The following ADCY9 variants were observed in gnomAD, a reference collection of about 807,000 sequenced individuals.
The protein encoded by ADCY9 is adenylate cyclase 9, also known as adenylate cyclase type 9.
A neutral mutation model predicts 101.5 loss-of-function variants in ADCY9; 50 were observed. The ratio of observed to expected loss-of-function variants is 0.49; its 90% CI spans 0.39 to 0.62. The LOEUF (loss-of-function observed/expected upper bound fraction) is 0.62. Among genes scored for constraint, ADCY9 ranks in the 20% least tolerant of loss-of-function variants. ADCY9 has a pLI of 0.00. For missense variants in ADCY9, 1,662 were observed against 1,800.4 expected (o/e 0.92, Z 1.39); for synonymous variants, 905 against 769.3 (o/e 1.18, Z -2.92).
chr16:4,078,900 A>T (rs1476079408), intron 2 of ADCY9, among the ~76,000 whole-genome samples: 2 of 152,226 alleles, frequency 1.3e-5, no homozygotes, highest in Non-Finnish European at 2.9e-5. Flanking sequence ...AGGGCAACAC[A>T]CATATGAAAA....
At chr16:3,968,231 C>T (rs2056016845) in intron 10 of ADCY9, among the ~76,000 whole-genome samples, 1 of 151,942 alleles carries the variant, frequency 6.6e-6, no homozygotes, top group Admixed American at 6.6e-5. Context: ...CTCCCGGGTT[C>T]AAGTGATTCT....
chr16:3,972,340 C>A (rs897325115), intron 10 of ADCY9, among the ~76,000 whole-genome samples: 3 of 151,888 alleles, frequency 2.0e-5, no homozygotes, highest in Non-Finnish European at 4.4e-5. Context: ...AGCAATTCTC[C>A]TGCCTCAGCC....
At chr16:3,980,898 C>T (rs980294351) in intron 7 of ADCY9, among the ~76,000 whole-genome samples, 2 of 152,194 alleles carry the variant, frequency 1.3e-5, no homozygotes, top group African/African-American at 4.8e-5. Flanking sequence ...TGAGACCTCA[C>T]GCCTGCTGGG....
chr16:3,965,505 C>A lies in ADCY9; in HGVS notation c.*270G>T. On this transcript the variant is annotated 3_prime_UTR_variant, in exon 11 of 11. Coordinates refer to ENST00000294016, the MANE Select transcript of ADCY9 (RefSeq NM_001116.4). ...GCGGCCTCTGTCCCGAGACTCGAGG[C>A]CGAGGCCAGCCCTGAAGGCACTTGT... The A allele has an allele frequency of 2.0e-6, 1 of 493,180 alleles. No homozygotes were observed. The highest frequency in any genetic ancestry group is 3.6e-6 in the Non-Finnish European group (1 of 279,812). 30.6% of individuals were successfully genotyped at this position (493,180 alleles called of 1,614,324 possible).
intron 5 of ADCY9, among the ~76,000 whole-genome samples, chr16:3,991,278 C>T (rs1346327350): frequency 6.6e-6 from 1 of 152,148 alleles, no homozygotes; most frequent in African/African-American, 2.4e-5. Flanking sequence ...CCCGGCACCA[C>T]CTTGCCTAAT....
At chr16:4,066,351 T>C (rs2056801197) in intron 2 of ADCY9, among the ~76,000 whole-genome samples, 1 of 152,202 alleles carries the variant, frequency 6.6e-6, no homozygotes, top group Non-Finnish European at 1.5e-5. Flanking sequence ...TTTACTTTTC[T>C]CTCTCCTCTC....
At chr16:4,073,119 G>C (rs899039621) in intron 2 of ADCY9, among the ~76,000 whole-genome samples, 3 of 151,670 alleles carry the variant, frequency 2.0e-5, no homozygotes, top group African/African-American at 7.3e-5. Flanking sequence ...TTTTCAGAAA[G>C]AGTCTCACTC....
intron 2 of ADCY9, among the ~76,000 whole-genome samples, chr16:4,109,269 G>A (rs1021870479): frequency 1.3e-5 from 2 of 152,172 alleles, no homozygotes; most frequent in South Asian, 4.2e-4. Context: ...TCACTCTGTC[G>A]CCCAGGCTGG....
At chr16:4,014,668 G>T (rs188679661) in intron 2 of ADCY9, among the ~76,000 whole-genome samples, 10 of 151,902 alleles carry the variant, frequency 6.6e-5, no homozygotes, top group Non-Finnish European at 1.0e-4. Flanking sequence ...GGCTGGTCTC[G>T]AACTCCTGAC....
At chr16:3,981,946 C>A (rs1450177704) in intron 7 of ADCY9, 4 of 152,204 alleles carry the variant, frequency 2.6e-5, no homozygotes, top group African/African-American at 9.7e-5. Context: ...CAACCAGGGG[C>A]CTGAGGATGT....
intron 2 of ADCY9, among the ~76,000 whole-genome samples, chr16:4,070,685 C>T (rs145682686): frequency 6.6e-6 from 1 of 152,222 alleles, no homozygotes; most frequent in Non-Finnish European, 1.5e-5. Flanking sequence ...GTGGCTCACA[C>T]CTGTAATCCT....
At chr16:4,010,847 C>T (rs2056399444) in intron 2 of ADCY9, among the ~76,000 whole-genome samples, 1 of 152,112 alleles carries the variant, frequency 6.6e-6, no homozygotes, top group South Asian at 2.1e-4. Context: ...GGGCTCCTCC[C>T]CTGCGATGGG....
chr16:4,066,990 A>G (rs1191587622), intron 2 of ADCY9, among the ~76,000 whole-genome samples: 1 of 152,222 alleles, frequency 6.6e-6, no homozygotes, highest in Admixed American at 6.5e-5. Flanking sequence ...CTTCAATACT[A>G]AATTTCCTGA....
intron 2 of ADCY9, among the ~76,000 whole-genome samples, chr16:4,096,171 A>G (rs1597223099): frequency 6.6e-6 from 1 of 152,294 alleles, no homozygotes; most frequent in African/African-American, 2.4e-5. Flanking sequence ...TAGTGGCTCT[A>G]TAAATCGGAG....
chr16:4,116,436 T>C lies in ADCY9; in HGVS notation c.-790A>G, dbSNP rs2057153070. Among the ~76,000 whole-genome samples the C allele has an allele frequency of 6.9e-6, 1 of 145,192 alleles. No individual in the cohort carries two copies. Among genetic ancestry groups the C allele is most frequent in the Non-Finnish European group, 1.5e-5 (1 of 65,502 alleles). On this transcript the variant is annotated 5_prime_UTR_variant, in exon 1 of 11. Transcript: ENST00000294016. ...CATCTCCGGCCCCTGCCCCGCCCGC[T>C]GTCACTGACAGACGCGCGCCCGCGC...
Position 3,966,075 on chromosome 16 carries a change from G to T in ADCY9, c.3762C>A (p.His1254Gln). 1 of 1,614,238 alleles carries T rather than the reference G, an allele frequency of 6.2e-7. No individual in the cohort carries two copies. Among genetic ancestry groups the T allele is most frequent in the Non-Finnish European group, 8.5e-7 (1 of 1,180,046 alleles). The change falls in exon 11 of 11, where the codon CAC becomes CAA. Residue 1254 changes from histidine to glutamine, a missense_variant. This residue lies in a region of ADCY9 where 168 missense variants were observed against 155.3 expected (regional missense o/e 1.08). Coordinates refer to ENST00000294016, the MANE Select transcript of ADCY9 (RefSeq NM_001116.4). Reference sequence around the variant, plus strand: ...GGATGTCTGGGGAGATGGACAGCTGGTGCTGTGGGATGACCCTGTGATCCG... The same window carrying T: ...GGATGTCTGGGGAGATGGACAGCTGTTGCTGTGGGATGACCCTGTGATCCG... Reference protein sequence around the residue: ...KCTDHRVIPQHQLSISPDIRV... With the variant: ...KCTDHRVIPQQQLSISPDIRV...
Position 3,977,539 on chromosome 16 carries a change from G to A in ADCY9, c.2771C>T (p.Ala924Val). 1 of 1,602,800 alleles carries A rather than the reference G, an allele frequency of 6.2e-7. No homozygotes were observed. Among genetic ancestry groups the A allele is most frequent in the Non-Finnish European group, 8.5e-7 (1 of 1,175,010 alleles). Residue 924 changes from alanine (A) to valine (V), a missense_variant, in exon 9 of 11, where the codon GCC becomes GTC. Ala to Val is a moderately conservative substitution (Grantham distance 64). This residue lies in a region of ADCY9 where 624 missense variants were observed against 639.1 expected (regional missense o/e 0.98). Transcript: ENST00000294016. ...CAGCGGCCCGGCCCCCACGACGGTG[G>A]CGAGGGAGGACCTCATCCAGGAGCT... ...QLSSWMRSSL[A>V]TVVGAGPLLL...
chr16:4,108,337 C>G (rs2057090872), intron 2 of ADCY9, among the ~76,000 whole-genome samples: 1 of 145,006 alleles, frequency 6.9e-6, no homozygotes, highest in African/African-American at 2.5e-5. Flanking sequence ...GAAGGTCCCT[C>G]ACCTTAATCA....
At chr16:4,056,792 C>A (rs564660812) in intron 2 of ADCY9, among the ~76,000 whole-genome samples, 7 of 152,228 alleles carry the variant, frequency 4.6e-5, no homozygotes, top group African/African-American at 1.2e-4. Context: ...TTCGGCATGA[C>A]GATGGAGGTG....
Sources: gnomAD v4.1 joint callset for allele counts (sites outside exome capture counted in the v4.1 genomes callset) on GRCh38, gnomAD v4.1.1 for gene constraint, gnomAD v4.1.1 regional missense constraint, MANE v1.5 for transcripts, NCBI Gene and HGNC (gene_info 2026-07-23, HGNC 2026-07-21) for gene names.